SLC35B1: variants seen among roughly 807,000 people sequenced by gnomAD.
SLC35B1 encodes solute carrier family 35 member B1.
A neutral mutation model predicts 36.6 loss-of-function variants in SLC35B1; 27 were observed. The ratio of observed to expected loss-of-function variants is 0.74; its 90% CI spans 0.54 to 1.02. The LOEUF (loss-of-function observed/expected upper bound fraction) is 1.02. SLC35B1 is among the 50% of genes least tolerant of loss of function. SLC35B1 has a pLI of 0.00. For missense variants in SLC35B1, 321 were observed against 383.2 expected, an observed-to-expected ratio of 0.84 and a Z score of 1.35; for synonymous variants, 162 against 152.5, an observed-to-expected ratio of 1.06 and a Z score of -0.46.
chr17:49,707,503 A>G (rs1598013169), intron 1 of SLC35B1: 4 of 1,475,032 alleles, frequency 2.7e-6, no homozygotes, highest in South Asian at 2.6e-5. Flanking sequence ...CCAAGCGGGG[A>G]AAAACAGCTA....
rs566916174 is a variant in SLC35B1, at chr17:49,704,049, G to A, written c.655+51C>T. ...AGCTAGAGGGATCAAAAGGATGAGG[G>A]CAGCCTGCCCTCTGGTGATACATGG... On this transcript the variant is annotated intron_variant, in intron 6 of 8. Coordinates refer to ENST00000240333, the MANE Select transcript of SLC35B1 (RefSeq NM_005827.4). The A allele has an allele frequency of 5.2e-5, 84 of 1,612,216 alleles. 1 individual carries two copies. In the South Asian group the frequency reaches 8.7e-4, roughly 17 times the overall value.
Position 49,702,910 on chromosome 17 carries a change from G to A in SLC35B1, c.864C>T (p.Phe288=), listed in dbSNP as rs768486485. Residue 288 remains phenylalanine, a synonymous_variant, in exon 8 of 9, where the codon TTC becomes TTT. Coordinates refer to ENST00000240333, the MANE Select transcript of SLC35B1 (RefSeq NM_005827.4). The part of the protein sequence containing the change: ...FFTILASVIL[F]ANPISPMQWV... Reference sequence around the variant, plus strand: ...ACTGCATGGGGCTGATGGGATTGGCGAAGAGGATCACAGAGGCCAAAATTG... The same window carrying A: ...ACTGCATGGGGCTGATGGGATTGGCAAAGAGGATCACAGAGGCCAAAATTG... 20 of 1,614,122 alleles carry A rather than the reference G, an allele frequency of 1.2e-5. No homozygotes were observed. Among genetic ancestry groups the A allele is most frequent in the African/African-American group, 5.3e-5 (4 of 75,036 alleles).
In SLC35B1 at chr17:49,704,308, G is replaced by C. The variant is rs1663626495; in HGVS notation, c.529-82C>G. ...CCAGGACACAGGATTCTCACTCTCA[G>C]GCTCCTTGGAAAGCCACTGCCTTTA... On this transcript the variant is annotated intron_variant, in intron 5 of 8. Transcript: ENST00000240333. 15 of 1,543,320 alleles carry C rather than the reference G, an allele frequency of 9.7e-6. No homozygotes were observed. In the South Asian group the frequency reaches 1.8e-4, roughly 18 times the overall value.
chr17:49,703,667 C>T, intron 6 of SLC35B1: 1 of 337,566 alleles, frequency 3.0e-6, no homozygotes, highest in Non-Finnish European at 5.7e-6. Flanking sequence ...ACCATTAACC[C>T]CAGTGTGCTG....
rs758048316 is a variant in SLC35B1 at position 49,706,283 on chromosome 17, T to A, written c.260A>T (p.Tyr87Phe). 126 of 1,557,666 alleles carry A rather than the reference T, an allele frequency of 8.1e-5. No homozygotes were observed. Among genetic ancestry groups the A allele is most frequent in the Non-Finnish European group, 1.1e-4 (122 of 1,159,436 alleles). Reference protein sequence around the residue: ...ARVDRTRSWLYAACSISYLGA... With the variant: ...ARVDRTRSWLFAACSISYLGA... ...CAGATAGGAGATAGAACAGGCAGCA[T>A]AGAGCCAGCTCCGGGTACGATCCAC... is the stretch of plus-strand genomic sequence containing the variant. The change falls in exon 3 of 9, where the codon TAT (tyrosine) becomes TTT (phenylalanine). Residue 87 changes from tyrosine to phenylalanine, a missense_variant. Transcript: ENST00000240333.
At position 49,707,879 on chromosome 17, in the gene SLC35B1, C is replaced by T; in HGVS notation, c.-46G>A. 2 of 1,605,674 alleles carry T rather than the reference C, an allele frequency of 1.2e-6. No individual in the cohort carries two copies. The highest frequency in any genetic ancestry group is 1.1e-5 in the South Asian group (1 of 90,422). On this transcript the variant is annotated 5_prime_UTR_variant, in exon 1 of 9. Transcript: ENST00000240333. ...CTGGAGACCCGCTCACAACCGGCACCGGCAGCAGCGGCGGCGGAGGCGACA... is the reference window on the plus strand; with the variant it reads ...CTGGAGACCCGCTCACAACCGGCACTGGCAGCAGCGGCGGCGGAGGCGACA...
intron 5 of SLC35B1, 117 bp downstream of exon 5, chr17:49,705,007 G>T: frequency 1.0e-6 from 1 of 970,078 alleles, no homozygotes; most frequent in Non-Finnish European, 1.6e-6. Context: ...GCAGATATGG[G>T]GACAAGGAGC....
Position 49,703,008 on chromosome 17 carries a change from A to C in SLC35B1, c.766T>G (p.Phe256Val). ...AAATACACAACCGTCATAAAGATGAAGCTCTAGAGAAAGATAAAGGTGAGG... is the reference window on the plus strand; with the variant it reads ...AAATACACAACCGTCATAAAGATGACGCTCTAGAGAAAGATAAAGGTGAGG... ...FGLTSALGQS[F>V]IFMTVVYFGP... is the part of the protein sequence containing the mutation. The change falls in exon 8 of 9, where the codon TTC becomes GTC. Residue 256 changes from phenylalanine (F) to valine (V), a missense_variant. Physicochemically the swap from Phe to Val is conservative, Grantham distance 50 (BLOSUM62 -1). Coordinates refer to ENST00000240333, the MANE Select transcript of SLC35B1 (RefSeq NM_005827.4). The C allele has an allele frequency of 6.2e-7, 1 of 1,614,106 alleles. No individual in the cohort carries two copies.
At chr17:49,702,458 G>A (rs528730842) in intron 8 of SLC35B1, 8 of 163,536 alleles carry the variant, frequency 4.9e-5, no homozygotes, top group East Asian at 3.4e-4. Context: ...TGGGCTGAGC[G>A]CGGTGGCTCA....
intron 4 of SLC35B1, 176 bp downstream of exon 4, chr17:49,705,690 T>C: frequency 1.4e-6 from 1 of 705,348 alleles, no homozygotes; most frequent in Non-Finnish European, 2.5e-6. Flanking sequence ...TACCAGCCTA[T>C]GAACATCACA....
chr17:49,707,381 A>T, intron 1 of SLC35B1: 1 of 1,430,074 alleles, frequency 7.0e-7, no homozygotes, highest in Non-Finnish European at 9.3e-7. Flanking sequence ...TATGGCACCA[A>T]GGCCGAGGAC....
intron 2 of SLC35B1, 111 bp from the exon 3 acceptor site, chr17:49,706,445 T>A (rs1367036718): frequency 3.9e-6 from 4 of 1,018,074 alleles, no homozygotes; most frequent in Non-Finnish European, 5.4e-6. Context: ...TGAAGCCACA[T>A]GAAAGGAACT....
At chr17:49,702,203 C>G (rs1030078867) in intron 8 of SLC35B1, 4 of 155,778 alleles carry the variant, frequency 2.6e-5, no homozygotes, top group African/African-American at 9.6e-5. Context: ...TCACCTCAGC[C>G]TCCACCTCCT....
chr17:49,702,982 A>G lies in SLC35B1; in HGVS notation c.792T>C (p.Phe264=), dbSNP rs1209655022. The G allele has an allele frequency of 6.2e-7, 1 of 1,614,154 alleles. No homozygotes were observed. Among genetic ancestry groups the G allele is most frequent in the South Asian group, 1.1e-5 (1 of 91,074 alleles). Reference sequence around the variant, plus strand: ...TGATGATGGAGCAGGTCAGGGGACCAAAATACACAACCGTCATAAAGATGA... The same window carrying G: ...TGATGATGGAGCAGGTCAGGGGACCGAAATACACAACCGTCATAAAGATGA... ...QSFIFMTVVY[F]GPLTCSIITT... The change falls in exon 8 of 9, where the codon TTT becomes TTC. Residue 264 remains phenylalanine, a synonymous_variant. Coordinates refer to ENST00000240333, the MANE Select transcript of SLC35B1 (RefSeq NM_005827.4).
Position 49,707,750 on chromosome 17 carries a change from A to G in SLC35B1, c.84T>C (p.Tyr28=), listed in dbSNP as rs1320567147. 6.2e-7 allele frequency: 1 copy of G among 1,611,920 alleles called. No homozygotes were observed. The highest frequency in any genetic ancestry group is 8.5e-7 in the Non-Finnish European group (1 of 1,179,806). ...FLGVFVCYFY[Y]GILQEKITRG... ...CTCACATCTTTTCCTGCAGGATCCC[A>G]TAGTAAAAATAGCAGACAAAGACAC... The change falls in exon 1 of 9, where the codon TAT becomes TAC. Residue 28 remains tyrosine, a synonymous_variant. Coordinates refer to ENST00000240333, the MANE Select transcript of SLC35B1 (RefSeq NM_005827.4).
At chr17:49,703,373 CACAG>C in intron 6 of SLC35B1, 79 bp from the exon 7 acceptor site, 1 of 807,614 alleles carries the variant, frequency 1.2e-6, no homozygotes, top group Non-Finnish European at 2.1e-6. Flanking sequence ...CACACACACA[CACAG>C]ACACTCCTGC....
chr17:49,704,951 G>T (rs2073396625), intron 5 of SLC35B1, 173 bp downstream of exon 5: 1 of 577,108 alleles, frequency 1.7e-6, no homozygotes, highest in East Asian at 2.9e-5. Context: ...AAATATTTCA[G>T]GTTTCCCACT....
chr17:49,706,100 ATCTTT>A, intron 3 of SLC35B1, 99 bp downstream of exon 3: 1 of 1,006,080 alleles, frequency 9.9e-7, no homozygotes, highest in Non-Finnish European at 1.4e-6. Flanking sequence ...CAGGACCGTT[ATCTTT>A]TTTTTTTTTT....
At chr17:49,704,263 C>G (rs2073387927) in intron 5 of SLC35B1, 37 bp from the exon 6 acceptor site, 1 of 1,605,734 alleles carries the variant, frequency 6.2e-7, no homozygotes, top group African/African-American at 1.3e-5. Flanking sequence ...GTGAAGTGGC[C>G]AACAGGGCCC....
Sources: gnomAD v4.1 joint callset for allele counts on GRCh38, gnomAD v4.1.1 for gene constraint, MANE v1.5 for transcripts, NCBI Gene and HGNC (gene_info 2026-07-23, HGNC 2026-07-21) for gene names.